Variants in B3GALNT2 observed in about 807,000 individuals in gnomAD.
B3GALNT2 encodes the protein beta-1,3-N-acetylgalactosaminyltransferase 2, also known as UDP-GalNAc:beta-1,3-N-acetylgalactosaminyltransferase 2.
B3GALNT2 carries 53 observed loss-of-function variants against 61.1 expected under a neutral mutation model. That is an observed-to-expected ratio of 0.87 (90% confidence interval 0.70 to 1.09). The LOEUF is 1.09. Ranked by LOEUF, B3GALNT2 falls within the 50% of genes least tolerant of loss-of-function variation. The pLI is 0.00. For synonymous variants in B3GALNT2, 223 were observed against 237.4 expected (o/e 0.94, Z 0.56); for missense variants, 544 against 623.0 (o/e 0.87, Z 1.35).
chr1:235,457,159 A>C (rs544088000), intron 8 of B3GALNT2, among the ~76,000 whole-genome samples: 3 of 152,178 alleles, frequency 2.0e-5, no homozygotes, highest in Admixed American at 2.0e-4. Context: ...CAGCTAAGAA[A>C]CATTACCTTC....
chr1:235,442,281 G>A (rs1401106772), downstream of B3GALNT2, among the ~76,000 whole-genome samples: 2 of 151,988 alleles, frequency 1.3e-5, no homozygotes, highest in African/African-American at 2.4e-5. Context: ...AGCGATTTTC[G>A]TGCCTTAGCC....
At chr1:235,463,761 G>A (rs1251388091) in intron 7 of B3GALNT2, 1 of 151,808 alleles carries the variant, frequency 6.6e-6, no homozygotes, top group Non-Finnish European at 1.5e-5. Context: ...TAGAGACAGG[G>A]TTTCACCATG....
intron 2 of B3GALNT2, among the ~76,000 whole-genome samples, chr1:235,493,018 C>A (rs1471200925): frequency 3.9e-5 from 6 of 152,174 alleles, no homozygotes; most frequent in African/African-American, 1.4e-4. Context: ...CATAATTTGA[C>A]TAATTTTAAA....
chr1:235,441,776 T>G, the B3GALNT2 span: 1 of 1,590,180 alleles, frequency 6.3e-7, no homozygotes, highest in African/African-American at 1.3e-5. Flanking sequence ...TATAGTGGCC[T>G]TTGGTTTATC....
intron 9 of B3GALNT2, 45 bp from the exon 10 acceptor site, chr1:235,454,360 A>G: frequency 6.6e-7 from 1 of 1,508,834 alleles, no homozygotes; most frequent in Non-Finnish European, 9.1e-7. Flanking sequence ...TCTGACACAT[A>G]TCCTGCCACT....
chr1:235,443,267 A>G (rs886275544), downstream of B3GALNT2, among the ~76,000 whole-genome samples: 3 of 151,544 alleles, frequency 2.0e-5, no homozygotes, highest in Non-Finnish European at 2.9e-5. Context: ...AGTGGCACCA[A>G]CTCAGCTCAC....
intron 5 of B3GALNT2, among the ~76,000 whole-genome samples, chr1:235,471,824 G>A (rs183252845): frequency 2.0e-5 from 3 of 152,194 alleles, no homozygotes; most frequent in South Asian, 4.2e-4. Context: ...TATCACGCCC[G>A]GTTAATTTTT....
intron 1 of B3GALNT2, among the ~76,000 whole-genome samples, chr1:235,499,277 G>A (rs1054935293): frequency 1.3e-5 from 2 of 152,180 alleles, no homozygotes; most frequent in Admixed American, 6.5e-5. Flanking sequence ...CCAAATTTCT[G>A]CCACTGGTTA....
At chr1:235,483,574 C>A (rs1684655993) in intron 4 of B3GALNT2, among the ~76,000 whole-genome samples, 1 of 152,154 alleles carries the variant, frequency 6.6e-6, no homozygotes, top group Non-Finnish European at 1.5e-5. Context: ...GAGTTTGACA[C>A]CAGCCTAGCC....
At chr1:235,444,551 G>A (rs749186288), downstream of B3GALNT2, among the ~76,000 whole-genome samples, 10 of 152,002 alleles carry the variant, frequency 6.6e-5, no homozygotes, top group Non-Finnish European at 8.8e-5. Context: ...CTATAGGCAC[G>A]AACCACCACA....
chr1:235,496,311 GAA>G (rs57723180), intron 1 of B3GALNT2: 2,137 of 744,152 alleles, frequency 2.9e-3, no homozygotes, highest in South Asian at 6.6e-3. Flanking sequence ...GACTCCACCT[GAA>G]AAAAAAAAAA....
intron 4 of B3GALNT2, among the ~76,000 whole-genome samples, chr1:235,483,856 T>C (rs532574554): frequency 9.3e-4 from 141 of 152,326 alleles, no homozygotes; most frequent in African/African-American, 2.8e-3. Flanking sequence ...ATATCGGGAA[T>C]AGAGAAACCT....
At chr1:235,463,189 G>A (rs1205943546) in intron 7 of B3GALNT2, among the ~76,000 whole-genome samples, 1 of 152,150 alleles carries the variant, frequency 6.6e-6, no homozygotes, top group Non-Finnish European at 1.5e-5. Flanking sequence ...AGGATGCAAA[G>A]GCATAAGAAT....
chr1:235,493,148 G>C (rs766539762), intron 2 of B3GALNT2, among the ~76,000 whole-genome samples: 7 of 152,188 alleles, frequency 4.6e-5, no homozygotes, highest in South Asian at 2.1e-4. Context: ...GCCTAGATCA[G>C]ATGGCAGTGG....
intron 7 of B3GALNT2, among the ~76,000 whole-genome samples, chr1:235,459,626 C>CAAAT (rs563152118): frequency 7.9e-5 from 12 of 151,624 alleles, no homozygotes; most frequent in Non-Finnish European, 1.2e-4. Context: ...GACCCTGTCT[C>CAAAT]AAATAAATAA....
chr1:235,455,137 A>ATTC (rs34262870), intron 9 of B3GALNT2, among the ~76,000 whole-genome samples: 1 of 151,892 alleles, frequency 6.6e-6, no homozygotes, highest in African/African-American at 2.4e-5. Flanking sequence ...TATTATTATT[A>ATTC]TTAAGACAGG....
intron 5 of B3GALNT2, among the ~76,000 whole-genome samples, chr1:235,472,227 T>C (rs531774928): frequency 4.4e-4 from 67 of 152,338 alleles, no homozygotes; most frequent in Admixed American, 6.5e-4. Context: ...AATTTCACCT[T>C]GGCAAATCTG....
chr1:235,442,201 G>C (rs1427280474), downstream of B3GALNT2, among the ~76,000 whole-genome samples: 1 of 151,588 alleles, frequency 6.6e-6, no homozygotes, highest in Non-Finnish European at 1.5e-5. Context: ...ACGGAGTTTT[G>C]CTCTTGTTGC....
At chr1:235,451,168 G>GTTTT (rs1288651863) in intron 11 of B3GALNT2, 1 of 152,126 alleles carries the variant, frequency 6.6e-6, no homozygotes, top group African/African-American at 2.4e-5. Flanking sequence ...TAGGATCTCT[G>GTTTT]AGGGGCCACA....
Sources: allele counts gnomAD v4.1 joint callset (sites outside exome capture counted in the v4.1 genomes callset), GRCh38; gene constraint gnomAD v4.1.1; transcripts MANE v1.5; gene names NCBI Gene and HGNC (gene_info 2026-07-23, HGNC 2026-07-21).